Variants in SLC24A4 observed in about 807,000 individuals in gnomAD.
SLC24A4 encodes solute carrier family 24 member 4, also known as sodium/potassium/calcium exchanger 4.
Under a neutral mutation model 79.0 loss-of-function variants are expected in SLC24A4, and 53 were observed. The ratio of observed to expected loss-of-function variants is 0.67; its 90% CI spans 0.54 to 0.84. SLC24A4 has a LOEUF of 0.84. Among genes scored for constraint, SLC24A4 ranks in the 40% least tolerant of loss-of-function variants. The pLI is 0.00. For synonymous variants in SLC24A4, 323 were observed against 323.8 expected (o/e 1.00, Z 0.03); for missense variants, 731 against 822.0 (o/e 0.89, Z 1.35).
intron 2 of SLC24A4, among the ~76,000 whole-genome samples, chr14:92,359,466 G>A (rs1887373007): frequency 6.6e-6 from 1 of 152,034 alleles, no homozygotes; most frequent in African/African-American, 2.4e-5. Context: ...GGGTGTGGTG[G>A]TGTGCACCTG....
intron 14 of SLC24A4, 31 bp downstream of exon 14, chr14:92,486,811 T>C (rs540866692): frequency 1.3e-6 from 2 of 1,520,028 alleles, no homozygotes; most frequent in African/African-American, 1.4e-5. Flanking sequence ...CTCATAGTCA[T>C]GCAGTGCAGG....
chr14:92,456,290 G>T (rs1363166155), intron 11 of SLC24A4, 114 bp from the exon 12 acceptor site: 9 of 992,542 alleles, frequency 9.1e-6, no homozygotes, highest in Admixed American at 2.0e-5. Flanking sequence ...TGTCCCCAGG[G>T]TTGTTGTTCT....
intron 2 of SLC24A4, among the ~76,000 whole-genome samples, chr14:92,368,244 TAC>T (rs1444364197): frequency 6.6e-6 from 1 of 152,178 alleles, no homozygotes; most frequent in Non-Finnish European, 1.5e-5. Flanking sequence ...TGCCTGAATT[TAC>T]ACAGTCTGAG....
At chr14:92,443,574 C>T (rs1595290015) in intron 7 of SLC24A4, 100 bp downstream of exon 7, 1 of 1,209,654 alleles carries the variant, frequency 8.3e-7, no homozygotes, top group East Asian at 2.4e-5. Flanking sequence ...CCAGAGAGGA[C>T]TCACAGCACA....
intron 2 of SLC24A4, among the ~76,000 whole-genome samples, chr14:92,402,119 A>G (rs369475908): frequency 7.2e-5 from 11 of 152,266 alleles, no homozygotes; most frequent in Admixed American, 4.6e-4. Flanking sequence ...TCTTGTTTCA[A>G]GTACCAGGGC....
chr14:92,343,461 A>G (rs940386975), intron 2 of SLC24A4, among the ~76,000 whole-genome samples: 2 of 152,178 alleles, frequency 1.3e-5, no homozygotes, highest in African/African-American at 4.8e-5. Flanking sequence ...CCTTAAAGCC[A>G]GATTTTTCCA....
rs746544890 is a variant in SLC24A4 at position 92,453,882 on chromosome 14, C to T, written c.881-18C>T. ...TCCTCAGAGAGATCAGCACTAATCA[C>T]GGTGTTGCGCTCAACAGTGAAGGAG... On this transcript the variant is annotated intron_variant, in intron 10 of 16. Transcript: ENST00000532405. 1.7e-5 allele frequency: 27 copies of T among 1,597,240 alleles called. No individual in the cohort carries two copies. The highest frequency in any genetic ancestry group is 9.1e-5 in the East Asian group (4 of 44,126).
chr14:92,348,814 T>G (rs1025104012), intron 2 of SLC24A4, among the ~76,000 whole-genome samples: 3 of 152,138 alleles, frequency 2.0e-5, no homozygotes, highest in African/African-American at 7.2e-5. Flanking sequence ...TCGGTGAAGG[T>G]TTTTTGGAGC....
chr14:92,429,209 A>G (rs1891727691), intron 2 of SLC24A4, among the ~76,000 whole-genome samples: 1 of 152,034 alleles, frequency 6.6e-6, no homozygotes, highest in Admixed American at 6.6e-5. Context: ...AACCAGGAGT[A>G]GGGGTGCAGG....
intron 10 of SLC24A4, 49 bp from the exon 11 acceptor site, chr14:92,453,851 G>C (rs893640372): frequency 6.5e-7 from 1 of 1,528,628 alleles, no homozygotes; most frequent in South Asian, 1.3e-5. Flanking sequence ...CAGCACTTGG[G>C]TGTTGTCCTC....
chr14:92,388,115 C>G (rs1255179405), intron 2 of SLC24A4, among the ~76,000 whole-genome samples: 1 of 152,116 alleles, frequency 6.6e-6, no homozygotes, highest in Non-Finnish European at 1.5e-5. Context: ...TTTGTGGAAC[C>G]TCCATACTGT....
chr14:92,454,856 C>A (rs1297149793), intron 11 of SLC24A4, among the ~76,000 whole-genome samples: 2 of 152,086 alleles, frequency 1.3e-5, no homozygotes, highest in Admixed American at 1.3e-4. Flanking sequence ...TGAATCATTT[C>A]GGTCCAATTC....
chr14:92,412,064 T>C (rs1028811143), intron 2 of SLC24A4, among the ~76,000 whole-genome samples: 3 of 152,200 alleles, frequency 2.0e-5, no homozygotes, highest in African/African-American at 7.2e-5. Flanking sequence ...TCTTCCATGC[T>C]GGCTTCCTCC....
chr14:92,459,040 G>A (rs1477169072), intron 12 of SLC24A4, among the ~76,000 whole-genome samples: 1 of 152,172 alleles, frequency 6.6e-6, no homozygotes, highest in African/African-American at 2.4e-5. Flanking sequence ...GGCCTGAGGG[G>A]GCCAGAGCTA....
At chr14:92,329,323 G>A (rs1032866971) in intron 2 of SLC24A4, among the ~76,000 whole-genome samples, 3 of 152,202 alleles carry the variant, frequency 2.0e-5, no homozygotes, top group Non-Finnish European at 4.4e-5. Flanking sequence ...ATCTTTACCT[G>A]TGAGAGGAAG....
chr14:92,339,031 C>T (rs1354553618), intron 2 of SLC24A4, among the ~76,000 whole-genome samples: 1 of 152,188 alleles, frequency 6.6e-6, no homozygotes. Flanking sequence ...CCTGGCTGGC[C>T]CCTCTAGCCT....
intron 2 of SLC24A4, among the ~76,000 whole-genome samples, chr14:92,332,709 T>G (rs1050160863): frequency 8.5e-5 from 13 of 152,250 alleles, no homozygotes; most frequent in Admixed American, 3.3e-4. Context: ...CCATCAGCAC[T>G]TAAAACAGTG....
chr14:92,433,383 G>C (rs1389538253), intron 2 of SLC24A4, among the ~76,000 whole-genome samples: 2 of 152,206 alleles, frequency 1.3e-5, no homozygotes, highest in East Asian at 3.8e-4. Flanking sequence ...CATCTTGGCT[G>C]TTATGAGCAA....
At chr14:92,469,468 C>T (rs575335742) in intron 12 of SLC24A4, among the ~76,000 whole-genome samples, 2 of 151,164 alleles carry the variant, frequency 1.3e-5, no homozygotes, top group East Asian at 3.9e-4. Context: ...GAGATCGCGC[C>T]ACTGCACTCC....
Sources: gnomAD v4.1 joint callset for allele counts (sites outside exome capture counted in the v4.1 genomes callset) on GRCh38, gnomAD v4.1.1 for gene constraint, MANE v1.5 for transcripts, NCBI Gene and HGNC (gene_info 2026-07-23, HGNC 2026-07-21) for gene names.